The following OSCP1 variants were observed in gnomAD, a reference collection of about 807,000 sequenced individuals.
OSCP1 encodes protein OSCP1.
OSCP1 carries 35 observed loss-of-function variants against 45.1 expected under a neutral mutation model. The ratio of observed to expected loss-of-function variants is 0.78; its 90% CI spans 0.59 to 1.03. The LOEUF (loss-of-function observed/expected upper bound fraction) is 1.03. Ranked by LOEUF, OSCP1 falls within the 50% of genes least tolerant of loss-of-function variation. OSCP1 has a pLI of 0.00. For missense variants in OSCP1, 400 were observed against 470.7 expected (o/e 0.85, Z 1.39); for synonymous variants, 179 against 180.1 (o/e 0.99, Z 0.05).
At chr1:36,428,583 A>G (rs1648137991) in intron 4 of OSCP1, 47 of 1,349,424 alleles carry the variant, frequency 3.5e-5, no homozygotes, top group Non-Finnish European at 4.4e-5. Context: ...CTAAGACTTA[A>G]GAGAAGTTAT....
intron 2 of OSCP1, among the ~76,000 whole-genome samples, chr1:36,437,901 G>T (rs1648856855): frequency 6.6e-6 from 1 of 152,178 alleles, no homozygotes; most frequent in Non-Finnish European, 1.5e-5. Context: ...TTGTCTGGGT[G>T]CAGTGGCCCA....
intron 1 of OSCP1, among the ~76,000 whole-genome samples, chr1:36,441,671 A>G (rs1013509693): frequency 6.7e-6 from 1 of 149,266 alleles, no homozygotes; most frequent in Admixed American, 6.8e-5. Context: ...GAATGGCGTG[A>G]ACCCGGGAGG....
intron 1 of OSCP1, among the ~76,000 whole-genome samples, chr1:36,448,767 T>A (rs895707391): frequency 1.3e-5 from 2 of 152,154 alleles, no homozygotes; most frequent in African/African-American, 4.8e-5. Flanking sequence ...ATGAGCAGTT[T>A]GGTATTATTG....
intron 4 of OSCP1, among the ~76,000 whole-genome samples, chr1:36,425,966 C>T (rs1647939106): frequency 6.6e-6 from 1 of 152,060 alleles, no homozygotes; most frequent in African/African-American, 2.4e-5. Context: ...GGGTCTGGAG[C>T]TGAGCCTGGA....
chr1:36,428,369 T>C (rs752280476), intron 4 of OSCP1: 2 of 1,614,104 alleles, frequency 1.2e-6, no homozygotes, highest in Non-Finnish European at 8.5e-7. Context: ...GTATACATAA[T>C]GGAAAGTCAG....
At chr1:36,421,167 T>G (rs912298579) in intron 7 of OSCP1, among the ~76,000 whole-genome samples, 3 of 152,128 alleles carry the variant, frequency 2.0e-5, no homozygotes, top group Admixed American at 6.6e-5. Context: ...TCTCCCTGGC[T>G]TGAAACAAAG....
In OSCP1 at chr1:36,450,314, T is replaced by C; in HGVS notation, c.56A>G (p.Tyr19Cys). The C allele has an allele frequency of 6.2e-7, 1 of 1,613,592 alleles. No homozygotes were observed. The highest frequency in any genetic ancestry group is 8.5e-7 in the Non-Finnish European group (1 of 1,179,880). Reference protein sequence around the residue: ...LFLNLGGEMLYILDQRLRAQN... With the variant: ...LFLNLGGEMLCILDQRLRAQN... ...GGCCCGCAGCCGTTGGTCGAGGATGTAAAGCATCTCCCCGCCCAAGTTCAA... is the reference window on the plus strand; with the variant it reads ...GGCCCGCAGCCGTTGGTCGAGGATGCAAAGCATCTCCCCGCCCAAGTTCAA... The change falls in exon 1 of 10, where the codon TAC becomes TGC. Residue 19 changes from tyrosine to cysteine, a missense_variant. Transcript: ENST00000235532.
intron 1 of OSCP1, among the ~76,000 whole-genome samples, chr1:36,439,431 G>T (rs1239934696): frequency 1.3e-5 from 2 of 152,066 alleles, no homozygotes; most frequent in Non-Finnish European, 2.9e-5. Flanking sequence ...TTGAGCCCAG[G>T]AATTCAATGC....
chr1:36,444,733 G>A (rs1169360946), intron 1 of OSCP1, among the ~76,000 whole-genome samples: 3 of 152,248 alleles, frequency 2.0e-5, no homozygotes, highest in East Asian at 1.9e-4. Context: ...TAGAGAAATC[G>A]GTGAGAATCA....
chr1:36,422,922 G>T, intron 5 of OSCP1, 26 bp from the exon 6 acceptor site: 1 of 1,550,782 alleles, frequency 6.4e-7, no homozygotes, highest in South Asian at 1.3e-5. Context: ...TGACATGATG[G>T]AATGTTCTCC....
intron 2 of OSCP1, among the ~76,000 whole-genome samples, chr1:36,437,039 C>T (rs1362021262): frequency 2.0e-5 from 3 of 152,176 alleles, no homozygotes; most frequent in African/African-American, 7.2e-5. Context: ...GGCAACCTGA[C>T]TCATCACTGT....
In OSCP1 at chr1:36,420,375, C is replaced by T. The variant is rs3007218; in HGVS notation, c.959+101G>A. ...GTTGGTATTTTATTTGTGATATTTACACAAATATTTATAAGTGCCACTGGT... is the reference window on the plus strand; with the variant it reads ...GTTGGTATTTTATTTGTGATATTTATACAAATATTTATAAGTGCCACTGGT... On this transcript the variant is annotated intron_variant, in intron 8 of 9. Coordinates refer to ENST00000235532, the MANE Select transcript of OSCP1 (RefSeq NM_145047.5). 4.0e-4 allele frequency: 536 copies of T among 1,354,452 alleles called. 1 individual carries two copies. In the African/African-American group the frequency reaches 7.3e-3, roughly 18 times the overall value. The allele number at this position is 1,354,452 out of a possible 1,614,324, so 83.9% of individuals were successfully genotyped here.
At chr1:36,446,455 G>T (rs1649544699) in intron 1 of OSCP1, among the ~76,000 whole-genome samples, 1 of 152,240 alleles carries the variant, frequency 6.6e-6, no homozygotes, top group Non-Finnish European at 1.5e-5. Flanking sequence ...GAAGGACAGT[G>T]ACTCTCGCTG....
At chr1:36,428,468 C>T (rs778406446) in intron 4 of OSCP1, 10 of 1,613,544 alleles carry the variant, frequency 6.2e-6, no homozygotes, top group African/African-American at 1.3e-5. Context: ...CTTCCAGAAG[C>T]ACTCTCTCTG....
intron 1 of OSCP1, chr1:36,443,967 A>G: frequency 1.9e-6 from 3 of 1,601,932 alleles, no homozygotes; most frequent in Non-Finnish European, 2.6e-6. Context: ...GAACCTGTGG[A>G]TGCACACTGA....
At chr1:36,428,327 G>A (rs1184541687) in intron 4 of OSCP1, 8 of 1,608,432 alleles carry the variant, frequency 5.0e-6, no homozygotes, top group East Asian at 2.2e-5. Flanking sequence ...ATTTTATTTT[G>A]CCCAGGTACA....
At chr1:36,430,029 C>CCT (rs1648258008) in intron 4 of OSCP1, among the ~76,000 whole-genome samples, 1 of 151,944 alleles carries the variant, frequency 6.6e-6, no homozygotes, top group Non-Finnish European at 1.5e-5. Context: ...AAACTCCTGA[C>CCT]CACGTGATCC....
At chr1:36,427,299 C>CTTTTTTT (rs71053929) in intron 4 of OSCP1, among the ~76,000 whole-genome samples, 2,124 of 96,246 alleles carry the variant, frequency 0.022, 274 homozygotes, top group African/African-American at 0.093. Flanking sequence ...GGCGCCTGGC[C>CTTTTTTT]TTTTTTTTTT....
intron 4 of OSCP1, among the ~76,000 whole-genome samples, chr1:36,424,039 C>T (rs72919375): frequency 0.036 from 5,528 of 152,072 alleles, 327 homozygotes; most frequent in African/African-American, 0.13. Flanking sequence ...TCAGCCCCGC[C>T]AGCTCACGCG....
Sources: gnomAD v4.1 joint callset for allele counts (sites outside exome capture counted in the v4.1 genomes callset) on GRCh38, gnomAD v4.1.1 for gene constraint, MANE v1.5 for transcripts, NCBI Gene and HGNC (gene_info 2026-07-23, HGNC 2026-07-21) for gene names.